The following RFTN1 variants were observed in gnomAD, a reference collection of about 807,000 sequenced individuals.
RFTN1 encodes the protein raftlin, lipid raft linker 1.
RFTN1 carries 26 observed loss-of-function variants against 46.5 expected under a neutral mutation model. That is an observed-to-expected ratio of 0.56 (90% CI 0.41 to 0.78). The LOEUF is 0.78. RFTN1 is among the 30% of genes least tolerant of loss of function. The pLI, the probability that RFTN1 is intolerant of heterozygous loss-of-function variation, is 0.00. For missense variants in RFTN1, 693 were observed against 718.7 expected, an observed-to-expected ratio of 0.96 and a Z score of 0.41; for synonymous variants, 261 against 284.2, an observed-to-expected ratio of 0.92 and a Z score of 0.82.
chr3:16,398,244 C>CAAAAAAAAA lies in RFTN1; in HGVS notation c.441+11122_441+11130dup, dbSNP rs202032095. 1.1e-3 allele frequency among the ~76,000 whole-genome samples: 123 copies of CAAAAAAAAA among 110,898 alleles called. 1 individual carries two copies. The highest frequency in any genetic ancestry group is 1.8e-3 in the Non-Finnish European group (85 of 47,808). The allele number at this position is 110,898 out of a possible 152,430, so 72.8% of individuals were successfully genotyped here. ...CCTGGGTGACAGAGAAAGACTGTCT[C>CAAAAAAAAA]AAAAAAAAAAAAAAAAAAAAAAAAA... On this transcript the variant is annotated intron_variant, in intron 4 of 9. Coordinates refer to ENST00000334133, the MANE Select transcript of RFTN1 (RefSeq NM_015150.2).
At chr3:16,328,059 T>C (rs1472409700) in intron 7 of RFTN1, among the ~76,000 whole-genome samples, 1 of 152,204 alleles carries the variant, frequency 6.6e-6, no homozygotes, top group Non-Finnish European at 1.5e-5. Context: ...TCAGGTACTC[T>C]AGAGCCATGA....
At position 16,356,331 on chromosome 3, in the gene RFTN1, C is replaced by G. The variant is rs558440455; in HGVS notation, c.1146+1601G>C. On this transcript the variant is annotated intron_variant, in intron 7 of 9. Coordinates refer to ENST00000334133, the MANE Select transcript of RFTN1 (RefSeq NM_015150.2). The surrounding 1 kb of genome is among the most constrained non-coding windows in gnomAD (Gnocchi z 4.9). ...GGGCTGATCTCACACCAGGCTGTCA[C>G]CTGGTTCCTGACTTCCCTCAGGACT... is the stretch of plus-strand genomic sequence containing the variant. Among the ~76,000 whole-genome samples the G allele has an allele frequency of 3.9e-5, 6 of 152,312 alleles. No individual in the cohort carries two copies. The South Asian group carries it at 1.2e-3, about 32-fold the overall frequency.
intron 7 of RFTN1, among the ~76,000 whole-genome samples, chr3:16,332,064 C>T (rs1607226): frequency 0.08 from 12,121 of 152,040 alleles, 665 homozygotes; most frequent in Middle Eastern, 0.13. Context: ...CTAGAAGTTC[C>T]GGAATTTCAT....
chr3:16,385,635 T>C lies in RFTN1; in HGVS notation c.442-7533A>G, dbSNP rs751578013. ...TCCATAACTACTTACTGAATACCAA[T>C]TGGAATCACCAAGCAACCCCCAGCC... is the stretch of plus-strand genomic sequence containing the variant. On this transcript the variant is annotated intron_variant, in intron 4 of 9. Transcript: ENST00000334133. This position sits in a 1 kb window ranked among gnomAD's most constrained non-coding sequence, Gnocchi z 5.0. 3.9e-5 allele frequency among the ~76,000 whole-genome samples: 6 copies of C among 152,172 alleles called. No individual in the cohort carries two copies. Among genetic ancestry groups the C allele is most frequent in the East Asian group, 1.9e-4 (1 of 5,200 alleles).
chr3:16,444,508 T>C (rs968994254), intron 2 of RFTN1, among the ~76,000 whole-genome samples: 4 of 152,194 alleles, frequency 2.6e-5, no homozygotes, highest in Non-Finnish European at 5.9e-5. Context: ...AGTGTGAGTG[T>C]ATGTGTGAGA....
At chr3:16,373,173 T>C (rs1293002327) in intron 5 of RFTN1, among the ~76,000 whole-genome samples, 1 of 152,238 alleles carries the variant, frequency 6.6e-6, no homozygotes, top group African/African-American at 2.4e-5. Flanking sequence ...TTTCCAGACA[T>C]GGGATGGTAA....
Position 16,450,530 on chromosome 3 carries a change from A to G in RFTN1, c.146-16493T>C, listed in dbSNP as rs138389260. On this transcript the variant is annotated intron_variant, in intron 2 of 9. Transcript: ENST00000334133. The surrounding 1 kb of genome is among the most constrained non-coding windows in gnomAD (Gnocchi z 4.6). ...TCCTGTTCAGGTTAACATGTCTCCC[A>G]TGTCTATGCTCCCTCAGGTGGCTTC... Among the ~76,000 whole-genome samples, 439 of 152,272 alleles carry G rather than the reference A, an allele frequency of 2.9e-3. 6 individuals carry two copies. The South Asian group carries it at 0.036, about 12-fold the overall frequency.
chr3:16,490,344 G>A (rs1292672759), intron 2 of RFTN1, among the ~76,000 whole-genome samples: 1 of 152,216 alleles, frequency 6.6e-6, no homozygotes, highest in African/African-American at 2.4e-5. Flanking sequence ...AGCAGTAAGA[G>A]GTAGGGGCCT....
In RFTN1 at chr3:16,318,038, A is replaced by C. The variant is rs539627369; in HGVS notation, c.1333-806T>G. Among the ~76,000 whole-genome samples, 44 of 152,286 alleles carry C rather than the reference A, an allele frequency of 2.9e-4. No individual in the cohort carries two copies. The South Asian group carries it at 7.1e-3, about 24-fold the overall frequency. Reference sequence around the variant, plus strand: ...TCAGAGGCCGCTTCCCGGGGGCCCAACCTGCAACCAAGCATTTCCTGGTGT... The same window carrying C: ...TCAGAGGCCGCTTCCCGGGGGCCCACCCTGCAACCAAGCATTTCCTGGTGT... On this transcript the variant is annotated intron_variant, in intron 9 of 9. Transcript: ENST00000334133.
intron 1 of RFTN1, among the ~76,000 whole-genome samples, chr3:16,502,760 C>T (rs1378102780): frequency 1.3e-5 from 2 of 152,212 alleles, no homozygotes; most frequent in East Asian, 3.8e-4. Context: ...TTCAGCCCGG[C>T]CAACATCCTC....
intron 7 of RFTN1, among the ~76,000 whole-genome samples, chr3:16,355,773 A>G (rs765173743): frequency 2.6e-5 from 4 of 152,234 alleles, no homozygotes; most frequent in Non-Finnish European, 4.4e-5. Context: ...TGCATTTCTA[A>G]TAACTTCCCA....
intron 2 of RFTN1, chr3:16,454,746 C>T (rs1375916091): frequency 2.0e-5 from 20 of 984,988 alleles, no homozygotes; most frequent in Non-Finnish European, 2.3e-5. Flanking sequence ...CAAGGCCTCC[C>T]TCCTTGTGTC....
At position 16,387,725 on chromosome 3, in the gene RFTN1, C is replaced by T. The variant is rs1279973417; in HGVS notation, c.442-9623G>A. Among the ~76,000 whole-genome samples, 3 of 152,036 alleles carry T rather than the reference C, an allele frequency of 2.0e-5. No individual in the cohort carries two copies. The highest frequency in any genetic ancestry group is 1.9e-4 in the East Asian group (1 of 5,182). ...AGTAAGCAAGCCTCGTCCACCCACC[C>T]GCCTCACCGACTCCACCTCCACTCA... On this transcript the variant is annotated intron_variant, in intron 4 of 9. Transcript: ENST00000334133. The surrounding 1 kb of genome is among the most constrained non-coding windows in gnomAD (Gnocchi z 5.2).
rs561082098 is a variant in RFTN1, at chr3:16,468,960, C to T, written c.145+24765G>A. Among the ~76,000 whole-genome samples, 7 of 152,366 alleles carry T rather than the reference C, an allele frequency of 4.6e-5. No homozygotes were observed. The South Asian group carries it at 1.4e-3, about 32-fold the overall frequency. On this transcript the variant is annotated intron_variant, in intron 2 of 9. Transcript: ENST00000334133. This position sits in a 1 kb window ranked among gnomAD's most constrained non-coding sequence, Gnocchi z 4.4. ...AGGCCAATCCATTCCCCCCATCACTCAGCCTGCCTGAATCGCATCTGACAC... is the reference window on the plus strand; with the variant it reads ...AGGCCAATCCATTCCCCCCATCACTTAGCCTGCCTGAATCGCATCTGACAC...
Position 16,448,614 on chromosome 3 carries a change from A to G in RFTN1, c.146-14577T>C, listed in dbSNP as rs960093123. Among the ~76,000 whole-genome samples the G allele has an allele frequency of 3.9e-5, 6 of 152,226 alleles. No individual in the cohort carries two copies. Among genetic ancestry groups the G allele is most frequent in the Non-Finnish European group, 4.4e-5 (3 of 68,038 alleles). ...TGGAGGAAAAAAAGTACAACTTTTT[A>G]CTGCCTTCATGTTTGATGGTTTGCT... is the stretch of plus-strand genomic sequence containing the variant. On this transcript the variant is annotated intron_variant, in intron 2 of 9. Transcript: ENST00000334133. This position sits in a 1 kb window ranked among gnomAD's most constrained non-coding sequence, Gnocchi z 4.1.
At chr3:16,437,860 T>C (rs1205894634) in intron 2 of RFTN1, among the ~76,000 whole-genome samples, 1 of 135,820 alleles carries the variant, frequency 7.4e-6, no homozygotes, top group Non-Finnish European at 1.6e-5. Flanking sequence ...GGTGTCGACC[T>C]TATGGAAACC....
chr3:16,456,479 C>T (rs2075907702), intron 2 of RFTN1, among the ~76,000 whole-genome samples: 1 of 152,162 alleles, frequency 6.6e-6, no homozygotes, highest in African/African-American at 2.4e-5. Flanking sequence ...CAACTTCTTA[C>T]ACATTGGAAG....
chr3:16,316,744 A>C lies in RFTN1; in HGVS notation c.*84T>G. ...CAAAGGGTAGGTAACACACAACACC[A>C]GGGAAACCAGCCCCCAAACCAGCTG... is the stretch of plus-strand genomic sequence containing the variant. On this transcript the variant is annotated 3_prime_UTR_variant, in exon 10 of 10. Transcript: ENST00000334133. The surrounding 1 kb of genome is among the most constrained non-coding windows in gnomAD (Gnocchi z 4.5). 11 of 1,542,440 alleles carry C rather than the reference A, an allele frequency of 7.1e-6. No individual in the cohort carries two copies. Among genetic ancestry groups the C allele is most frequent in the Non-Finnish European group, 8.9e-6 (10 of 1,119,010 alleles).
rs116663828 is a variant in RFTN1 at position 16,478,306 on chromosome 3, T to C, written c.145+15419A>G. ...CTTTCTAGCTAATCTTCCTGAAATA[T>C]AGAGCCCGGGGGCCAAAAGCTACAT... On this transcript the variant is annotated intron_variant, in intron 2 of 9. Transcript: ENST00000334133. 2.5e-3 allele frequency among the ~76,000 whole-genome samples: 381 copies of C among 152,278 alleles called. 2 individuals carry two copies. The highest frequency in any genetic ancestry group is 8.5e-3 in the African/African-American group (354 of 41,552).
Sources: gnomAD v4.1 joint callset for allele counts (sites outside exome capture counted in the v4.1 genomes callset) on GRCh38, gnomAD v4.1.1 for gene constraint, Gnocchi (gnomAD v3.1) non-coding constraint, MANE v1.5 for transcripts, NCBI Gene and HGNC (gene_info 2026-07-23, HGNC 2026-07-21) for gene names.